ZNF23: variants seen among roughly 807,000 people sequenced by gnomAD.
The protein encoded by ZNF23 is zinc finger protein 23, also known as kruppel-like zinc finger factor X31.
In ZNF23, 48 loss-of-function variants were observed where a neutral mutation model predicts 56.2. That is an observed-to-expected ratio of 0.85 (90% CI 0.68 to 1.09). The LOEUF is 1.09. Ranked by LOEUF, ZNF23 falls within the 50% of genes least tolerant of loss-of-function variation. ZNF23 has a pLI of 0.00. For missense variants in ZNF23, 805 were observed against 811.4 expected (o/e 0.99, Z 0.10); for synonymous variants, 266 against 283.3 (o/e 0.94, Z 0.61).
At chr16:71,452,182 C>G (rs1450083443) in intron 4 of ZNF23, 1 of 152,174 alleles carries the variant, frequency 6.6e-6, no homozygotes, top group Non-Finnish European at 1.5e-5. Flanking sequence ...TTGATTAAGA[C>G]CTCACAATAT....
chr16:71,461,864 A>G (rs2145151581), intron 1 of ZNF23: 1 of 152,444 alleles, frequency 6.6e-6, no homozygotes, highest in African/African-American at 2.4e-5. Flanking sequence ...GACTTGTGGT[A>G]TCACCTCGGG....
chr16:71,453,304 T>G lies in ZNF23; in HGVS notation c.207A>C (p.Gly69=). The G allele has an allele frequency of 2.5e-6, 4 of 1,606,780 alleles. No individual in the cohort carries two copies. The highest frequency in any genetic ancestry group is 1.7e-5 in the Admixed American group (1 of 59,368). ...GTGGAGATGAGCCCCCCAGCTCACT[T>G]CCTCCCTCCAGTTGTGAGATCACAG... ...KPAVISQLEG[G]SELGGSSPLA... Residue 69 remains glycine (G), a synonymous_variant, in exon 4 of 5, where the codon GGA becomes GGC. Transcript: ENST00000647773.
chr16:71,451,142 C>A (rs2043044834), intron 4 of ZNF23: 1 of 152,346 alleles, frequency 6.6e-6, no homozygotes, highest in East Asian at 1.9e-4. Flanking sequence ...TAATCCTAAA[C>A]TTGATCATTC....
At chr16:71,457,706 T>A (rs1043696609) in intron 1 of ZNF23, among the ~76,000 whole-genome samples, 1 of 151,962 alleles carries the variant, frequency 6.6e-6, no homozygotes, top group Non-Finnish European at 1.5e-5. Context: ...GCCTGGGTGA[T>A]GAGAGTGAGA....
chr16:71,453,310 C>T lies in ZNF23; in HGVS notation c.201G>A (p.Glu67=). ...ATGAGCCCCCCAGCTCACTTCCTCC[C>T]TCCAGTTGTGAGATCACAGCAGGTT... The part of the protein sequence containing the change: ...LLKPAVISQL[E]GGSELGGSSP... Residue 67 remains glutamate (E), a synonymous_variant, in exon 4 of 5, where the codon GAG becomes GAA. Transcript: ENST00000647773. The T allele has an allele frequency of 2.5e-6, 4 of 1,606,208 alleles. No individual in the cohort carries two copies. The highest frequency in any genetic ancestry group is 2.2e-5 in the East Asian group (1 of 44,728).
rs376275643 is a variant in ZNF23 at position 71,449,677 on chromosome 16, G to C, written c.477C>G (p.Pro159=). 6.2e-7 allele frequency: 1 copy of C among 1,613,620 alleles called. No individual in the cohort carries two copies. The highest frequency in any genetic ancestry group is 1.3e-5 in the African/African-American group (1 of 75,016). The change falls in exon 5 of 5, where the codon CCC becomes CCG. Residue 159 remains proline (P), a synonymous_variant. Transcript: ENST00000647773. ...TTTGACTAAAAAAACACTCCTCCACGGGGCTTGTCTCATCTTTCACTGTTC... is the reference window on the plus strand; with the variant it reads ...TTTGACTAAAAAAACACTCCTCCACCGGGCTTGTCTCATCTTTCACTGTTC... The part of the protein sequence containing the change: ...IDGTVKDETS[P]VEECFFSQSS...
At position 71,458,055 on chromosome 16, in the gene ZNF23, A is replaced by G. The variant is rs2145126741; in HGVS notation, c.-32-1227T>C. Among the ~76,000 whole-genome samples, 3 of 152,256 alleles carry G rather than the reference A, an allele frequency of 2.0e-5. No homozygotes were observed. In the Middle Eastern group the frequency reaches 0.01, roughly 518 times the overall value. ...ACCTCTGGAGAGGTCTTGAGAGGTCAGTCCTCCTAAGGACAGCACAGGCTG... is the reference window on the plus strand; with the variant it reads ...ACCTCTGGAGAGGTCTTGAGAGGTCGGTCCTCCTAAGGACAGCACAGGCTG... On this transcript the variant is annotated intron_variant, in intron 1 of 4. Coordinates refer to ENST00000647773, the MANE Select transcript of ZNF23 (RefSeq NM_001381984.1).
In ZNF23 at chr16:71,448,523, T is replaced by C. The variant is rs762610668; in HGVS notation, c.1631A>G (p.Glu544Gly). The C allele has an allele frequency of 1.2e-6, 2 of 1,614,196 alleles. No individual in the cohort carries two copies. Among genetic ancestry groups the C allele is most frequent in the East Asian group, 4.5e-5 (2 of 44,876 alleles). ...LLDHHRIHTG[E>G]KPYQCKECGK... Reference sequence around the variant, plus strand: ...ACATTCCTTACATTGATAGGGCTTTTCTCCAGTATGGATTCGGTGATGATC... The same window carrying C: ...ACATTCCTTACATTGATAGGGCTTTCCTCCAGTATGGATTCGGTGATGATC... The change falls in exon 5 of 5, where the codon GAA becomes GGA. Residue 544 changes from glutamate (E) to glycine (G), a missense_variant. By Grantham distance (98) the Glu-to-Gly change is moderately conservative. Coordinates refer to ENST00000647773, the MANE Select transcript of ZNF23 (RefSeq NM_001381984.1).
chr16:71,461,341 C>T (rs1037793672), intron 1 of ZNF23, among the ~76,000 whole-genome samples: 1 of 151,714 alleles, frequency 6.6e-6, no homozygotes, highest in African/African-American at 2.4e-5. Flanking sequence ...AAATTGAGGA[C>T]CCAAAATGTA....
At position 71,448,563 on chromosome 16, in the gene ZNF23, T is replaced by C; in HGVS notation, c.1591A>G (p.Lys531Glu). The change falls in exon 5 of 5, where the codon AAA becomes GAA. Residue 531 changes from lysine to glutamate, a missense_variant. Coordinates refer to ENST00000647773, the MANE Select transcript of ZNF23 (RefSeq NM_001381984.1). ...CNECGRCFTS[K>E]RNLLDHHRIH... ...CGGTGATGATCAAGTAGGTTTCTTT[T>C]AGAAGTAAAGCATCTCCCACACTCA... The C allele has an allele frequency of 6.2e-7, 1 of 1,614,134 alleles. No homozygotes were observed. Among genetic ancestry groups the C allele is most frequent in the South Asian group, 1.1e-5 (1 of 91,082 alleles).
At chr16:71,454,355 A>G in intron 2 of ZNF23, 187 bp from the exon 3 acceptor site, 1 of 755,034 alleles carries the variant, frequency 1.3e-6, no homozygotes, top group Non-Finnish European at 2.0e-6. Context: ...ACATTCTCCC[A>G]CAGCAGGGAA....
intron 2 of ZNF23, among the ~76,000 whole-genome samples, chr16:71,456,333 C>T (rs894034485): frequency 6.6e-6 from 1 of 152,128 alleles, no homozygotes; most frequent in Non-Finnish European, 1.5e-5. Flanking sequence ...CCTTCCCTTA[C>T]CCCTGAATTA....
rs912763783 is a variant in ZNF23, at chr16:71,457,489, G to C, written c.-32-661C>G. Among the ~76,000 whole-genome samples, 4 of 152,152 alleles carry C rather than the reference G, an allele frequency of 2.6e-5. No individual in the cohort carries two copies. In the South Asian group the frequency reaches 8.3e-4, roughly 32 times the overall value. ...GAGGCAGGAGAATGGTGTGAACCCG[G>C]GAGGCAGAGCTTGCAGTGAGCCAAG... On this transcript the variant is annotated intron_variant, in intron 1 of 4. Coordinates refer to ENST00000647773, the MANE Select transcript of ZNF23 (RefSeq NM_001381984.1).
chr16:71,454,776 C>A lies in ZNF23; in HGVS notation c.34-608G>T, dbSNP rs529040398. On this transcript the variant is annotated intron_variant, in intron 2 of 4. Transcript: ENST00000647773. Reference sequence around the variant, plus strand: ...TCCTTACCCTCTCCCATTCAAGTCTCATCCTTTCCAACTTCTCCGAAAGCT... The same window carrying A: ...TCCTTACCCTCTCCCATTCAAGTCTAATCCTTTCCAACTTCTCCGAAAGCT... Among the ~76,000 whole-genome samples the A allele has an allele frequency of 7.9e-5, 12 of 152,348 alleles. No individual in the cohort carries two copies. The East Asian group carries it at 2.3e-3, about 29-fold the overall frequency.
rs552696050 is a variant in ZNF23, at chr16:71,449,415, C to A, written c.739G>T (p.Ala247Ser). 58 of 1,614,132 alleles carry A rather than the reference C, an allele frequency of 3.6e-5. No individual in the cohort carries two copies. The highest frequency in any genetic ancestry group is 4.8e-5 in the Non-Finnish European group (57 of 1,180,054). Residue 247 changes from alanine (A) to serine (S), a missense_variant, in exon 5 of 5, where the codon GCT (alanine) becomes TCT (serine). Physicochemically the swap from Ala to Ser is moderately conservative, Grantham distance 99. Coordinates refer to ENST00000647773, the MANE Select transcript of ZNF23 (RefSeq NM_001381984.1). Reference sequence around the variant, plus strand: ...ATTAATTTCTCATTAATGCTGAAAGCTTTGCCACACTCCGAACACTGATAA... The same window carrying A: ...ATTAATTTCTCATTAATGCTGAAAGATTTGCCACACTCCGAACACTGATAA... ...KPYQCSECGK[A>S]FSINEKLIWH...
intron 4 of ZNF23, 58 bp downstream of exon 4, chr16:71,453,185 T>C: frequency 7.8e-7 from 1 of 1,285,010 alleles, no homozygotes; most frequent in East Asian, 2.5e-5. Context: ...TTGCTAAAGC[T>C]GGCTTTATGC....
intron 4 of ZNF23, chr16:71,450,660 G>A (rs923734710): frequency 7.1e-5 from 31 of 433,702 alleles, no homozygotes; most frequent in Middle Eastern, 7.5e-4. Context: ...CGGAAGTTGC[G>A]GTGAGCCAAG....
intron 1 of ZNF23, among the ~76,000 whole-genome samples, chr16:71,461,246 G>A (rs2043444283): frequency 6.6e-6 from 1 of 151,868 alleles, no homozygotes; most frequent in Admixed American, 6.6e-5. Context: ...TTAATTGGGT[G>A]GTGTGTTCAT....
intron 4 of ZNF23, 167 bp from the exon 5 acceptor site, chr16:71,450,052 C>A: frequency 1.9e-6 from 1 of 518,706 alleles, no homozygotes; most frequent in Non-Finnish European, 3.3e-6. Flanking sequence ...TTGTAACTAA[C>A]TAGTAAAAGA....
Sources: allele counts gnomAD v4.1 joint callset (sites outside exome capture counted in the v4.1 genomes callset), GRCh38; gene constraint gnomAD v4.1.1; transcripts MANE v1.5; gene names NCBI Gene and HGNC (gene_info 2026-07-23, HGNC 2026-07-21).